The following TTC39C variants were observed in gnomAD, a reference collection of about 807,000 sequenced individuals.
The protein encoded by TTC39C is tetratricopeptide repeat domain 39C.
Under a neutral mutation model 76.3 loss-of-function variants are expected in TTC39C, and 33 were observed. The ratio of observed to expected loss-of-function variants is 0.43; its 90% CI spans 0.33 to 0.58. The LOEUF is 0.58. Among genes scored for constraint, TTC39C ranks in the 20% least tolerant of loss-of-function variants. The probability of loss-of-function intolerance (pLI) is 0.04; values close to 1 mark genes in which losing one functional copy is unlikely to be tolerated. For synonymous variants in TTC39C, 254 were observed against 260.6 expected, an observed-to-expected ratio of 0.97 and a Z score of 0.24; for missense variants, 595 against 701.4, an observed-to-expected ratio of 0.85 and a Z score of 1.71.
rs542588617 is a variant in TTC39C, at chr18:24,057,199, G to A, written c.168-6941G>A. ...TCTCATTTTATCTGTAATTACTTTC[G>A]TACATCCCTCTAAAAAGTAGAAAAT... On this transcript the variant is annotated intron_variant, in intron 1 of 13. Coordinates refer to ENST00000317571, the MANE Select transcript of TTC39C (RefSeq NM_001135993.2). Among the ~76,000 whole-genome samples the A allele has an allele frequency of 2.6e-4, 39 of 151,692 alleles. No individual in the cohort carries two copies. The South Asian group carries it at 5.2e-3, about 20-fold the overall frequency.
chr18:24,050,488 C>T (rs934186109), intron 1 of TTC39C, among the ~76,000 whole-genome samples: 8 of 144,186 alleles, frequency 5.5e-5, no homozygotes, highest in South Asian at 2.2e-4. Flanking sequence ...GGCTTGAGCC[C>T]GGGAGGTCAA....
At chr18:24,107,834 A>G (rs2084764381) in intron 6 of TTC39C, among the ~76,000 whole-genome samples, 1 of 151,644 alleles carries the variant, frequency 6.6e-6, no homozygotes, top group African/African-American at 2.4e-5. Context: ...ATCACAGCTC[A>G]TTGCAGCCTC....
At chr18:24,050,637 TGAG>T (rs985184202) in intron 1 of TTC39C, among the ~76,000 whole-genome samples, 61 of 149,772 alleles carry the variant, frequency 4.1e-4, no homozygotes, top group Middle Eastern at 7.2e-3. Context: ...TTTGGGAGGC[TGAG>T]GAGGGTGGAT....
intron 1 of TTC39C, among the ~76,000 whole-genome samples, chr18:24,042,469 G>A (rs2083807156): frequency 6.6e-6 from 1 of 152,158 alleles, no homozygotes; most frequent in African/African-American, 2.4e-5. Flanking sequence ...GATCTGACAG[G>A]AGGTGGAGCG....
intron 8 of TTC39C, among the ~76,000 whole-genome samples, chr18:24,119,913 G>T (rs2145817795): frequency 6.6e-6 from 1 of 151,978 alleles, no homozygotes; most frequent in East Asian, 1.9e-4. Flanking sequence ...CATCTTTGTT[G>T]AGTTTCAAAT....
chr18:24,077,967 T>C (rs2084326905), intron 4 of TTC39C, among the ~76,000 whole-genome samples: 1 of 152,238 alleles, frequency 6.6e-6, no homozygotes, highest in Admixed American at 6.5e-5. Flanking sequence ...GAAAAAGTCA[T>C]TGAGCCTCTT....
chr18:24,018,301 C>T (rs1893281), intron 1 of TTC39C, among the ~76,000 whole-genome samples: 34,595 of 152,054 alleles, frequency 0.23, 4,530 homozygotes, highest in East Asian at 0.61. Context: ...TTTGTAAGTT[C>T]GTGATCTTGA....
At chr18:24,113,495 T>C (rs1488307824) in intron 6 of TTC39C, 6 of 679,840 alleles carry the variant, frequency 8.8e-6, no homozygotes, top group Non-Finnish European at 1.1e-5. Flanking sequence ...GGAGGAAGCA[T>C]AGAGAAAGCA....
chr18:24,096,165 C>T (rs1199905277), intron 6 of TTC39C, among the ~76,000 whole-genome samples: 2 of 151,994 alleles, frequency 1.3e-5, no homozygotes, highest in East Asian at 1.9e-4. Context: ...CACAGAGACA[C>T]GAAGTGAGCT....
intron 6 of TTC39C, among the ~76,000 whole-genome samples, chr18:24,111,270 A>G (rs1185668044): frequency 6.6e-6 from 1 of 152,092 alleles, no homozygotes; most frequent in Non-Finnish European, 1.5e-5. Context: ...TATGATGACA[A>G]ATTAAGATAT....
intron 6 of TTC39C, among the ~76,000 whole-genome samples, chr18:24,092,827 G>C (rs1001438071): frequency 6.6e-6 from 1 of 152,184 alleles, no homozygotes; most frequent in South Asian, 2.1e-4. Flanking sequence ...GCTCACACCT[G>C]TAATCTCAGC....
intron 1 of TTC39C, among the ~76,000 whole-genome samples, chr18:23,995,427 A>C (rs896711408): frequency 6.6e-6 from 1 of 152,060 alleles, no homozygotes; most frequent in Non-Finnish European, 1.5e-5. Context: ...CCAAGACTGC[A>C]CCACTGCACT....
At chr18:24,027,153 G>C (rs966886268) in intron 1 of TTC39C, among the ~76,000 whole-genome samples, 1 of 151,984 alleles carries the variant, frequency 6.6e-6, no homozygotes, top group Admixed American at 6.6e-5. Flanking sequence ...TTAGCCGAGC[G>C]TGGTGGTGGG....
Position 24,080,833 on chromosome 18 carries a change from C to T in TTC39C, c.709C>T (p.Leu237=), listed in dbSNP as rs1034423032. The change falls in exon 5 of 14, where the codon CTG becomes TTG. Residue 237 remains leucine (L), a synonymous_variant. Transcript: ENST00000317571. ...TTGCATATCCATGGTGCCCCCAAAC[C>T]TGCTCAAAATCATCAACCTGCTGGG... ...HLCISMVPPN[L]LKIINLLGFP... 3.7e-6 allele frequency: 6 copies of T among 1,614,012 alleles called. No individual in the cohort carries two copies. The African/African-American group carries it at 6.7e-5, about 18-fold the overall frequency.
intron 6 of TTC39C, among the ~76,000 whole-genome samples, chr18:24,094,612 A>T (rs144999290): frequency 4.9e-4 from 74 of 152,372 alleles, no homozygotes; most frequent in African/African-American, 1.7e-3. Context: ...CAGACATGAA[A>T]ACAACATTAT....
At chr18:24,018,758 C>T (rs1245522766) in intron 1 of TTC39C, among the ~76,000 whole-genome samples, 1 of 151,972 alleles carries the variant, frequency 6.6e-6, no homozygotes, top group African/African-American at 2.4e-5. Flanking sequence ...AAACGGAAAC[C>T]TAGGAGAGGA....
At chr18:24,083,154 G>GTATTA (rs1373771491) in intron 6 of TTC39C, 73 bp downstream of exon 6, 35 of 1,443,798 alleles carry the variant, frequency 2.4e-5, no homozygotes, top group Non-Finnish European at 3.1e-5. Flanking sequence ...TTGAGGACTG[G>GTATTA]TATTAAAACG....
intron 6 of TTC39C, among the ~76,000 whole-genome samples, chr18:24,085,005 CA>C (rs905287427): frequency 6.6e-6 from 1 of 152,116 alleles, no homozygotes; most frequent in Non-Finnish European, 1.5e-5. Context: ...TCTTCAAGGG[CA>C]GATTTAGATT....
chr18:24,022,195 C>T (rs765506395), intron 1 of TTC39C, among the ~76,000 whole-genome samples: 9 of 152,070 alleles, frequency 5.9e-5, no homozygotes, highest in Non-Finnish European at 8.8e-5. Context: ...ATTTGGTATC[C>T]GCCGGGGGTC....
Sources: gnomAD v4.1 joint callset for allele counts (sites outside exome capture counted in the v4.1 genomes callset) on GRCh38, gnomAD v4.1.1 for gene constraint, MANE v1.5 for transcripts, NCBI Gene and HGNC (gene_info 2026-07-23, HGNC 2026-07-21) for gene names.